FAM178B: variants seen among roughly 807,000 people sequenced by gnomAD.
The protein encoded by FAM178B is protein FAM178B.
A neutral mutation model predicts 91.7 loss-of-function variants in FAM178B; 82 were observed. The ratio of observed to expected loss-of-function variants is 0.89; its 90% CI spans 0.75 to 1.07. FAM178B has a LOEUF of 1.07. Ranked by LOEUF, FAM178B falls within the 50% of genes least tolerant of loss-of-function variation. The pLI is 0.00. For synonymous variants in FAM178B, 368 were observed against 359.4 expected (o/e 1.02, Z -0.27); for missense variants, 769 against 846.7 (o/e 0.91, Z 1.14).
chr2:96,881,345 G>C (rs1306686968), intron 14 of FAM178B, among the ~76,000 whole-genome samples: 1 of 152,050 alleles, frequency 6.6e-6, no homozygotes, highest in African/African-American at 2.4e-5. Flanking sequence ...AGAGGTGGCA[G>C]GGGATGCCGA....
chr2:96,898,744 C>T (rs2153369050), intron 13 of FAM178B, among the ~76,000 whole-genome samples: 1 of 152,276 alleles, frequency 6.6e-6, no homozygotes, highest in Non-Finnish European at 1.5e-5. Context: ...AGTCTGAGGG[C>T]CTTGGGCTGC....
Position 96,878,441 on chromosome 2 carries a change from C to T in FAM178B, c.1829G>A (p.Cys610Tyr). 1 of 1,613,964 alleles carries T rather than the reference C, an allele frequency of 6.2e-7. No individual in the cohort carries two copies. The highest frequency in any genetic ancestry group is 8.5e-7 in the Non-Finnish European group (1 of 1,180,010). ...CCACTGGTCTGGAGTGATGTCCTGG[C>T]AGCTAACAACTACCCCGGCCAGCAT... is the stretch of plus-strand genomic sequence containing the variant. ...LLMLAGVVVS[C>Y]QDITPDQWGE... The change falls in exon 15 of 17, where the codon TGC becomes TAC. Residue 610 changes from cysteine (C) to tyrosine (Y), a missense_variant. By Grantham distance (194) the Cys-to-Tyr change is radical. Coordinates refer to ENST00000490605, the MANE Select transcript of FAM178B (RefSeq NM_001122646.3).
At chr2:96,931,941 A>AAGAATGAAGTCTGCAAAACACAATG (rs1290974532) in intron 8 of FAM178B, among the ~76,000 whole-genome samples, 1 of 151,952 alleles carries the variant, frequency 6.6e-6, no homozygotes, top group African/African-American at 2.4e-5. Flanking sequence ...ACGAGCTGGG[A>AAGAATGAAGTCTGCAAAACACAATG]AGAATGAAGT....
At chr2:96,908,524 A>AC (rs998517468) in intron 12 of FAM178B, among the ~76,000 whole-genome samples, 2 of 151,814 alleles carry the variant, frequency 1.3e-5, no homozygotes, top group Admixed American at 6.6e-5. Context: ...ACATAGGGAG[A>AC]CCCCATCTCT....
At chr2:96,942,351 C>T (rs994536324) in intron 8 of FAM178B, among the ~76,000 whole-genome samples, 6 of 152,210 alleles carry the variant, frequency 3.9e-5, no homozygotes, top group African/African-American at 1.2e-4. Context: ...AATTGACGAG[C>T]TGGTCCTAAA....
rs747403258 is a variant in FAM178B, at chr2:96,894,008, G to C, written c.1694C>G (p.Ser565Cys). The C allele has an allele frequency of 2.1e-5, 34 of 1,612,556 alleles. No homozygotes were observed. In the Admixed American group the frequency reaches 5.7e-4, roughly 27 times the overall value. ...SRLLGLMRPS[S>C]LRQYLDSVPL... The stretch of plus-strand genomic sequence containing the variant: ...CACAGAGTCCAGGTATTGCCTGAGA[G>C]ATGATGGCCTCATGAGGCCCAGGAG... The change falls in exon 14 of 17, where the codon TCT (serine) becomes TGT (cysteine). Residue 565 changes from serine to cysteine, a missense_variant. By Grantham distance (112) the Ser-to-Cys change is moderately radical. Transcript: ENST00000490605.
intron 8 of FAM178B, among the ~76,000 whole-genome samples, chr2:96,940,687 C>G (rs758528596): frequency 1.3e-5 from 2 of 152,020 alleles, no homozygotes; most frequent in Non-Finnish European, 2.9e-5. Flanking sequence ...CATGAAGAGG[C>G]ATAGGGAAAC....
chr2:96,945,137 A>C (rs147533778), intron 8 of FAM178B, among the ~76,000 whole-genome samples: 1 of 152,338 alleles, frequency 6.6e-6, no homozygotes, highest in Non-Finnish European at 1.5e-5. Flanking sequence ...TTTGCTGAAT[A>C]AATGAATGCT....
At position 96,986,552 on chromosome 2, in the gene FAM178B, G is replaced by A. The variant is rs533179279; in HGVS notation, c.-239C>T. 16 of 515,390 alleles carry A rather than the reference G, an allele frequency of 3.1e-5. No individual in the cohort carries two copies. The East Asian group carries it at 4.9e-4, about 16-fold the overall frequency. 31.9% of individuals were successfully genotyped at this position (515,390 alleles called of 1,614,324 possible). ...CGGCCAGCTCACAGCCGCCGCCGCC[G>A]CCAGCTGGGGAGCTCGCCGGCCAAG... is the stretch of plus-strand genomic sequence containing the variant. On this transcript the variant is annotated 5_prime_UTR_variant, in exon 1 of 17. Coordinates refer to ENST00000490605, the MANE Select transcript of FAM178B (RefSeq NM_001122646.3).
chr2:96,972,489 G>GC, intron 2 of FAM178B, 49 bp downstream of exon 2: 1 of 1,537,554 alleles, frequency 6.5e-7, no homozygotes. Flanking sequence ...ACTTCCTCTC[G>GC]CCCCCAAACC....
At chr2:96,968,933 C>A (rs1053928930) in intron 4 of FAM178B, among the ~76,000 whole-genome samples, 2 of 152,196 alleles carry the variant, frequency 1.3e-5, no homozygotes, top group African/African-American at 4.8e-5. Flanking sequence ...AATTTGGGTC[C>A]TAACCGGCAC....
At chr2:96,982,859 C>T (rs1159865080) in intron 1 of FAM178B, among the ~76,000 whole-genome samples, 1 of 147,214 alleles carries the variant, frequency 6.8e-6, no homozygotes, top group African/African-American at 2.5e-5. Context: ...GGATTACAGG[C>T]GTGAGCCACT....
At chr2:96,914,310 CA>C (rs1372292638) in intron 12 of FAM178B, among the ~76,000 whole-genome samples, 1 of 152,182 alleles carries the variant, frequency 6.6e-6, no homozygotes, top group African/African-American at 2.4e-5. Flanking sequence ...CAGAGACCAC[CA>C]TGATGAGAAG....
chr2:96,929,704 T>TA (rs1410479114), intron 8 of FAM178B, among the ~76,000 whole-genome samples: 2 of 152,182 alleles, frequency 1.3e-5, no homozygotes, highest in African/African-American at 4.8e-5. Flanking sequence ...CTCACGTCCT[T>TA]AGACTCTCTT....
intron 9 of FAM178B, among the ~76,000 whole-genome samples, chr2:96,927,920 C>T (rs2081472373): frequency 6.6e-6 from 1 of 152,220 alleles, no homozygotes; most frequent in Non-Finnish European, 1.5e-5. Flanking sequence ...CCCGCTCATC[C>T]AAGACGGTGT....
intron 7 of FAM178B, among the ~76,000 whole-genome samples, chr2:96,949,176 C>A (rs2081882796): frequency 6.6e-6 from 1 of 152,202 alleles, no homozygotes. Context: ...CCTATTAAAG[C>A]CCCAGGGAGG....
At chr2:96,961,097 G>A (rs549505829) in intron 5 of FAM178B, among the ~76,000 whole-genome samples, 17 of 152,298 alleles carry the variant, frequency 1.1e-4, no homozygotes, top group African/African-American at 3.6e-4. Flanking sequence ...TAGTGGATGG[G>A]AGCTGGCCCC....
intron 6 of FAM178B, among the ~76,000 whole-genome samples, chr2:96,955,510 C>CA (rs1321415121): frequency 1.1e-4 from 16 of 144,416 alleles, no homozygotes; most frequent in South Asian, 2.2e-4. Flanking sequence ...GACTCCATCT[C>CA]AAAAAAAAAG....
At chr2:96,913,046 G>A (rs1015871565) in intron 12 of FAM178B, among the ~76,000 whole-genome samples, 7 of 152,214 alleles carry the variant, frequency 4.6e-5, no homozygotes, top group African/African-American at 9.6e-5. Context: ...ACGCAGGAAC[G>A]CATTTATTTG....
Sources: gnomAD v4.1 joint callset for allele counts (sites outside exome capture counted in the v4.1 genomes callset) on GRCh38, gnomAD v4.1.1 for gene constraint, MANE v1.5 for transcripts, NCBI Gene and HGNC (gene_info 2026-07-23, HGNC 2026-07-21) for gene names.